The following FSD1L variants were observed in gnomAD, a reference collection of about 807,000 sequenced individuals.
FSD1L encodes FSD1-like protein.
In FSD1L, 45 loss-of-function variants were observed where a neutral mutation model predicts 71.6. That is an observed-to-expected ratio of 0.63 (90% CI 0.49 to 0.81). The LOEUF (loss-of-function observed/expected upper bound fraction) is 0.81, where lower values mean the gene tolerates loss of function less well. FSD1L is among the 30% of genes least tolerant of loss of function. The pLI, the probability that FSD1L is intolerant of heterozygous loss-of-function variation, is 0.00. For synonymous variants in FSD1L, 197 were observed against 207.2 expected (o/e 0.95, Z 0.42); for missense variants, 561 against 618.1 (o/e 0.91, Z 0.98).
At chr9:105,520,297 T>G in intron 10 of FSD1L, 1 of 1,524,846 alleles carries the variant, frequency 6.6e-7, no homozygotes. Context: ...TAGTTCAGAG[T>G]TTATCTCGAG....
chr9:105,480,208 A>G (rs1832077534), intron 6 of FSD1L, among the ~76,000 whole-genome samples: 1 of 152,224 alleles, frequency 6.6e-6, no homozygotes, highest in African/African-American at 2.4e-5. Context: ...TTCATCAGAT[A>G]ATTCACAAAA....
chr9:105,444,681 G>A (rs1044886340), upstream of FSD1L, among the ~76,000 whole-genome samples: 2 of 152,196 alleles, frequency 1.3e-5, no homozygotes, highest in African/African-American at 4.8e-5. Flanking sequence ...TGGAGGCCCA[G>A]AGACCTCAAG....
upstream of FSD1L, among the ~76,000 whole-genome samples, chr9:105,446,978 T>C (rs944423322): frequency 6.6e-6 from 1 of 152,100 alleles, no homozygotes; most frequent in Non-Finnish European, 1.5e-5. Flanking sequence ...AAAATCTTCA[T>C]TGATGCCTCA....
At chr9:105,544,629 T>G (rs1836855450) in intron 13 of FSD1L, among the ~76,000 whole-genome samples, 1 of 152,192 alleles carries the variant, frequency 6.6e-6, no homozygotes. Flanking sequence ...GGATCCAGTT[T>G]CAGCTTTCTA....
At chr9:105,537,964 A>G (rs1415406765) in intron 12 of FSD1L, among the ~76,000 whole-genome samples, 1 of 152,220 alleles carries the variant, frequency 6.6e-6, no homozygotes, top group East Asian at 1.9e-4. Flanking sequence ...AGATCAGCTG[A>G]GGACAGACAG....
intron 10 of FSD1L, among the ~76,000 whole-genome samples, chr9:105,518,000 G>C (rs1342914711): frequency 6.6e-6 from 1 of 152,190 alleles, no homozygotes; most frequent in African/African-American, 2.4e-5. Context: ...AAAAAAGCAG[G>C]AGTTGCAACC....
At chr9:105,522,099 C>G in intron 10 of FSD1L, 1 of 1,613,580 alleles carries the variant, frequency 6.2e-7, no homozygotes, top group Non-Finnish European at 8.5e-7. Context: ...GGCAGGTCGA[C>G]TTGCAGGACC....
At chr9:105,466,710 A>G (rs1831105473) in intron 3 of FSD1L, among the ~76,000 whole-genome samples, 1 of 151,018 alleles carries the variant, frequency 6.6e-6, no homozygotes, top group Admixed American at 6.6e-5. Context: ...AAAAAAAATA[A>G]TTATTTTAGC....
Position 105,534,532 on chromosome 9 carries a change from C to T in FSD1L, c.1065C>T (p.Ser355=). ...TPSPKRTSVG[S]RPPAVRGSRD... Reference sequence around the variant, plus strand: ...CCCCAAAACGAACATCTGTAGGCTCCAGGCCACCAGCAGTAAGAGGCAGTA... The same window carrying T: ...CCCCAAAACGAACATCTGTAGGCTCTAGGCCACCAGCAGTAAGAGGCAGTA... The change falls in exon 11 of 14, where the codon TCC becomes TCT. Residue 355 remains serine (S), a synonymous_variant. Transcript: ENST00000481272. The T allele has an allele frequency of 6.4e-7, 1 of 1,550,922 alleles. No homozygotes were observed. Among genetic ancestry groups the T allele is most frequent in the Non-Finnish European group, 8.7e-7 (1 of 1,146,240 alleles).
intron 7 of FSD1L, among the ~76,000 whole-genome samples, chr9:105,493,978 C>T (rs1411930953): frequency 6.6e-6 from 1 of 152,152 alleles, no homozygotes; most frequent in Non-Finnish European, 1.5e-5. Context: ...AATTATGTGT[C>T]TTGGAGTTGC....
chr9:105,552,425 A>G lies in FSD1L; in HGVS notation c.*5942A>G, dbSNP rs1837305183. 6.6e-6 allele frequency: 1 copy of G among 152,198 alleles called. No individual in the cohort carries two copies. 9.4% of individuals were successfully genotyped at this position (152,198 alleles called of 1,614,324 possible). A position where few individuals can be genotyped will look rare whatever the true frequency, so the allele number is the denominator to read the frequency against. ...CCTGGAATATCTCATTAAAAATTTA[A>G]AAACTCTTTTCCTGCTCTCTTTTGC... On this transcript the variant is annotated 3_prime_UTR_variant, in exon 14 of 14. Transcript: ENST00000481272.
rs181934311 is a variant in FSD1L, at chr9:105,496,639, T to A, written c.587-9760T>A. 2.0e-4 allele frequency among the ~76,000 whole-genome samples: 30 copies of A among 152,344 alleles called. 1 individual carries two copies. Among genetic ancestry groups the A allele is most frequent in the Admixed American group, 9.8e-4 (15 of 15,304 alleles). ...GTTAGATTTGTATCAAAAGATTTCA[T>A]TTTGGGGGTGCTGATGTAAATGGTA... On this transcript the variant is annotated intron_variant, in intron 7 of 13. Transcript: ENST00000481272.
At chr9:105,475,944 A>G (rs116386104) in intron 5 of FSD1L, among the ~76,000 whole-genome samples, 2,521 of 152,300 alleles carry the variant, frequency 0.017, 60 homozygotes, top group African/African-American at 0.058. Context: ...TTTTTGCCTA[A>G]AGGAAAATAA....
chr9:105,543,427 T>C (rs962496507), intron 13 of FSD1L, among the ~76,000 whole-genome samples: 7 of 152,220 alleles, frequency 4.6e-5, no homozygotes, highest in African/African-American at 1.2e-4. Context: ...AATTTTATTT[T>C]ATTTTTTGTT....
At chr9:105,520,901 A>G in intron 10 of FSD1L, 1 of 1,612,232 alleles carries the variant, frequency 6.2e-7, no homozygotes, top group Non-Finnish European at 8.5e-7. Flanking sequence ...CACTTCTAAA[A>G]TACATAGTCA....
chr9:105,525,506 C>G (rs959438362), intron 10 of FSD1L: 3 of 1,609,490 alleles, frequency 1.9e-6, no homozygotes, highest in Non-Finnish European at 2.5e-6. Flanking sequence ...CAAGATGAAC[C>G]AATACCTCAA....
chr9:105,472,995 TA>T (rs1051060801), intron 5 of FSD1L: 6 of 152,162 alleles, frequency 3.9e-5, no homozygotes, highest in African/African-American at 1.4e-4. Flanking sequence ...GTACTATATT[TA>T]AAAGTACTTT....
Position 105,504,602 on chromosome 9 carries a change from G to A in FSD1L, c.587-1797G>A, listed in dbSNP as rs552458847. On this transcript the variant is annotated intron_variant, in intron 7 of 13. Coordinates refer to ENST00000481272, the MANE Select transcript of FSD1L (RefSeq NM_001145313.3). ...CATCTCTCAGTATTTGTGGGGGACT[G>A]GTTCTAGCACCTTCGTTGAATTACC... 2.2e-4 allele frequency among the ~76,000 whole-genome samples: 33 copies of A among 152,198 alleles called. No homozygotes were observed. In the Middle Eastern group the frequency reaches 0.01, roughly 47 times the overall value.
chr9:105,468,930 T>C (rs1378253851), intron 4 of FSD1L, among the ~76,000 whole-genome samples: 1 of 152,220 alleles, frequency 6.6e-6, no homozygotes, highest in Non-Finnish European at 1.5e-5. Flanking sequence ...CAACAACTTA[T>C]TTCCCCTTCT....
Sources: allele counts gnomAD v4.1 joint callset (sites outside exome capture counted in the v4.1 genomes callset), GRCh38; gene constraint gnomAD v4.1.1; transcripts MANE v1.5; gene names NCBI Gene and HGNC (gene_info 2026-07-23, HGNC 2026-07-21).